TOPORS: variants seen among roughly 807,000 people sequenced by gnomAD.
The protein encoded by TOPORS is E3 ubiquitin-protein ligase Topors.
Under a neutral mutation model 81.4 loss-of-function variants are expected in TOPORS, and 25 were observed. The ratio of observed to expected loss-of-function variants is 0.31; its 90% CI spans 0.22 to 0.43. The LOEUF (loss-of-function observed/expected upper bound fraction) is 0.43. Among genes scored for constraint, TOPORS ranks in the 20% least tolerant of loss-of-function variants. The pLI, the probability that TOPORS is intolerant of heterozygous loss-of-function variation, is 1.00. For synonymous variants in TOPORS, 473 were observed against 456.6 expected (o/e 1.04, Z -0.46); for missense variants, 1,101 against 1,267.0 (o/e 0.87, Z 1.99).
chr9:32,545,915 A>G (rs1361345487), intron 2 of TOPORS, among the ~76,000 whole-genome samples: 1 of 152,198 alleles, frequency 6.6e-6, no homozygotes, highest in Non-Finnish European at 1.5e-5. Context: ...AAATAGACTC[A>G]TTGGCCTTAA....
intron 1 of TOPORS, chr9:32,552,174 CAAAAAAA>C (rs35415231): frequency 2.8e-5 from 14 of 496,524 alleles, no homozygotes; most frequent in Non-Finnish European, 3.9e-5. Flanking sequence ...CCTTAGTTGG[CAAAAAAA>C]AAAAAAAAAA....
At position 32,550,839 on chromosome 9, in the gene TOPORS, T is replaced by C. The variant is rs919908818; in HGVS notation, c.133A>G (p.Ser45Gly). ...GCGAGCTCCCGGCAGCCCAGAAAGC[T>C]AGGTCGGTGTCGGCAGGATCCGCGA... Reference protein sequence around the residue: ...RLRGSCRHRPSFLGCRELAAS... With the variant: ...RLRGSCRHRPGFLGCRELAAS... Residue 45 changes from serine (S) to glycine (G), a missense_variant, in exon 2 of 3, where the codon AGC becomes GGC. By Grantham distance (56) the Ser-to-Gly change is moderately conservative (BLOSUM62 0). Around this residue, in one of 9 missense-constraint regions of TOPORS, gnomAD observed 131 missense variants for 101.0 expected, o/e 1.30. Coordinates refer to ENST00000360538, the MANE Select transcript of TOPORS (RefSeq NM_005802.5). 7.4e-6 allele frequency: 12 copies of C among 1,612,782 alleles called. No individual in the cohort carries two copies. Among genetic ancestry groups the C allele is most frequent in the Non-Finnish European group, 1.0e-5 (12 of 1,179,764 alleles).
chr9:32,549,031 C>T (rs985720892), intron 2 of TOPORS, among the ~76,000 whole-genome samples: 6 of 151,678 alleles, frequency 4.0e-5, no homozygotes, highest in Admixed American at 2.0e-4. Flanking sequence ...CATCTATGGC[C>T]GGGCGTGGTG....
In TOPORS at chr9:32,550,763, ATC is replaced by A. The variant is rs1263514376; in HGVS notation, c.198+9_198+10del. On this transcript the variant is annotated intron_variant, in intron 2 of 2. Transcript: ENST00000360538. Reference sequence around the variant, plus strand: ...CGACCCCCGCGTCCCATTGTTCCGAATCTCACTCACCTCGGAGGATGCCGGCG... The same window carrying A: ...CGACCCCCGCGTCCCATTGTTCCGAATCACTCACCTCGGAGGATGCCGGCG... The A allele has an allele frequency of 1.9e-6, 3 of 1,612,496 alleles. No individual in the cohort carries two copies. Among genetic ancestry groups the A allele is most frequent in the Non-Finnish European group, 2.5e-6 (3 of 1,179,566 alleles).
chr9:32,543,200 G>C lies in TOPORS; in HGVS notation c.1325C>G (p.Ser442Cys), dbSNP rs772566291. 72 of 1,613,746 alleles carry C rather than the reference G, an allele frequency of 4.5e-5. No homozygotes were observed. Among genetic ancestry groups the C allele is most frequent in the Non-Finnish European group, 5.9e-5 (70 of 1,180,034 alleles). Reference sequence around the variant, plus strand: ...GACAAGTTCTTCATCTGAACTGTCAGAAGTATTTAAAAGAGAAGACATAGT... The same window carrying C: ...GACAAGTTCTTCATCTGAACTGTCACAAGTATTTAAAAGAGAAGACATAGT... ...HVTMSSLLNT[S>C]DSSDEELVTG... Residue 442 changes from serine to cysteine, a missense_variant, in exon 3 of 3, where the codon TCT becomes TGT. Around this residue, in one of 9 missense-constraint regions of TOPORS, gnomAD observed 103 missense variants for 112.1 expected, o/e 0.92. Transcript: ENST00000360538. This position sits in a 1 kb window ranked among gnomAD's most constrained non-coding sequence, Gnocchi z 5.6.
At chr9:32,552,392 G>GCAGCTCCCGC (rs751722809) in intron 1 of TOPORS, 42 bp downstream of exon 1, 11 of 1,606,488 alleles carry the variant, frequency 6.8e-6, no homozygotes, top group Admixed American at 1.7e-5. Context: ...TGTAAGGCCC[G>GCAGCTCCCGC]CAGCTCCCGC....
rs1180548820 is a variant in TOPORS at position 32,544,280 on chromosome 9, G to A, written c.245C>T (p.Pro82Leu). ...AKEFKMDNFS[P>L]KAGTSKLQQT... ...TTGCAATTTGCTAGTGCCAGCTTTAGGTGAAAAGTTGTCCATTTTAAATTC... is the reference window on the plus strand; with the variant it reads ...TTGCAATTTGCTAGTGCCAGCTTTAAGTGAAAAGTTGTCCATTTTAAATTC... Residue 82 changes from proline to leucine, a missense_variant, in exon 3 of 3, where the codon CCT becomes CTT. Transcript: ENST00000360538. 4.4e-6 allele frequency: 7 copies of A among 1,604,562 alleles called. No homozygotes were observed. The highest frequency in any genetic ancestry group is 2.2e-5 in the South Asian group (2 of 91,070).
intron 2 of TOPORS, among the ~76,000 whole-genome samples, 156 bp downstream of exon 2, chr9:32,550,618 A>G (rs552544324): frequency 2.0e-5 from 3 of 152,142 alleles, no homozygotes; most frequent in East Asian, 3.9e-4. Flanking sequence ...TGCGCGCAGG[A>G]GCCGCTCGGG....
intron 1 of TOPORS, 68 bp from the exon 2 acceptor site, chr9:32,551,036 A>G (rs529730602): frequency 1.9e-6 from 3 of 1,550,984 alleles, no homozygotes; most frequent in East Asian, 2.3e-5. Flanking sequence ...CCCACCCCCC[A>G]GCTCCCGCGC....
In TOPORS at chr9:32,542,916, A is replaced by C. The variant is rs1196416887; in HGVS notation, c.1609T>G (p.Ser537Ala). 6.2e-7 allele frequency: 1 copy of C among 1,614,146 alleles called. No individual in the cohort carries two copies. The highest frequency in any genetic ancestry group is 2.2e-5 in the East Asian group (1 of 44,882). ...SDVSRCSSPH[S>A]VLGKDEQINK... ...ATTTGTTCATCCTTTCCAAGGACAG[A>C]GTGTGGAGATGAGCATCTACTAACA... is the stretch of plus-strand genomic sequence containing the variant. Residue 537 changes from serine (S) to alanine (A), a missense_variant, in exon 3 of 3, where the codon TCT becomes GCT. By Grantham distance (99) the Ser-to-Ala change is moderately conservative (BLOSUM62 1). Around this residue, in one of 9 missense-constraint regions of TOPORS, gnomAD observed 605 missense variants for 636.1 expected, o/e 0.95. Transcript: ENST00000360538.
At chr9:32,552,120 T>G in intron 1 of TOPORS, 4 of 565,252 alleles carry the variant, frequency 7.1e-6, no homozygotes, top group Non-Finnish European at 1.3e-5. Context: ...TGCATTAATA[T>G]TGCATTGCAA....
In TOPORS at chr9:32,543,412, A is replaced by G. The variant is rs1821100719; in HGVS notation, c.1113T>C (p.His371=). ...AAGGAGCAGGGCAATCATAATTGGC[A>G]TGCTGGTCAAAGGCTGCCATGTTAA... ...SPFNMAAFDQ[H]ANYDCPAPSY... Residue 371 remains histidine, a synonymous_variant, in exon 3 of 3, where the codon CAT becomes CAC. Coordinates refer to ENST00000360538, the MANE Select transcript of TOPORS (RefSeq NM_005802.5). The surrounding 1 kb of genome is among the most constrained non-coding windows in gnomAD (Gnocchi z 5.6). 2 of 1,613,892 alleles carry G rather than the reference A, an allele frequency of 1.2e-6. No homozygotes were observed. The highest frequency in any genetic ancestry group is 2.7e-5 in the African/African-American group (2 of 75,064).
At position 32,543,535 on chromosome 9, in the gene TOPORS, G is replaced by A. The variant is rs140401696; in HGVS notation, c.990C>T (p.Asp330=). The change falls in exon 3 of 3, where the codon GAC becomes GAT. Residue 330 remains aspartate (D), a synonymous_variant. Transcript: ENST00000360538. This position sits in a 1 kb window ranked among gnomAD's most constrained non-coding sequence, Gnocchi z 5.6. ...CAGACACAAATGCCTGACTCTCCAA[G>A]TCATAGCGAGTAACATTACTCATGA... The part of the protein sequence containing the change: ...HIIMSNVTRY[D]LESQAFVSDL... 6.2e-7 allele frequency: 1 copy of A among 1,613,812 alleles called. No individual in the cohort carries two copies. Among genetic ancestry groups the A allele is most frequent in the African/African-American group, 1.3e-5 (1 of 74,916 alleles).
Position 32,541,247 on chromosome 9 carries a change from C to A in TOPORS, c.*140G>T, listed in dbSNP as rs1266309882. 5.1e-6 allele frequency: 4 copies of A among 779,972 alleles called. No individual in the cohort carries two copies. The highest frequency in any genetic ancestry group is 2.0e-5 in the South Asian group (1 of 49,326). The allele number at this position is 779,972 out of a possible 1,614,324, so 48.3% of individuals were successfully genotyped here. ...AATAATGATTTTTACAAATTAACAC[C>A]AAAAAAAAAATCATTTAAAATATTG... On this transcript the variant is annotated 3_prime_UTR_variant, in exon 3 of 3. Coordinates refer to ENST00000360538, the MANE Select transcript of TOPORS (RefSeq NM_005802.5).
chr9:32,545,474 T>C lies in TOPORS; in HGVS notation c.199-1148A>G, dbSNP rs184898330. 5.3e-5 allele frequency among the ~76,000 whole-genome samples: 8 copies of C among 151,710 alleles called. No individual in the cohort carries two copies. The East Asian group carries it at 7.7e-4, about 15-fold the overall frequency. ...CTAATCATTTTGAGTATATTGACTA[T>C]TGGGGAGTCAGGCGCGGTGGCTCAT... On this transcript the variant is annotated intron_variant, in intron 2 of 2. Transcript: ENST00000360538.
Position 32,543,960 on chromosome 9 carries a change from T to A in TOPORS, c.565A>T (p.Asn189Tyr). The A allele has an allele frequency of 1.9e-6, 3 of 1,614,138 alleles. No individual in the cohort carries two copies. The African/African-American group carries it at 4.0e-5, about 22-fold the overall frequency. The stretch of plus-strand genomic sequence containing the variant: ...CCACTAGGTGAATACACAGAAGCAT[T>A]TCGTTCCCTTGTCAGAGTTGTACGG... ...RYRTTLTRERNASVYSPSGPV... is the reference protein window; with the variant it reads ...RYRTTLTRERYASVYSPSGPV... Residue 189 changes from asparagine to tyrosine, a missense_variant, in exon 3 of 3, where the codon AAT (asparagine) becomes TAT (tyrosine). Asn to Tyr is a moderately radical substitution (Grantham distance 143, BLOSUM62 -2). Coordinates refer to ENST00000360538, the MANE Select transcript of TOPORS (RefSeq NM_005802.5). The surrounding 1 kb of genome is among the most constrained non-coding windows in gnomAD (Gnocchi z 5.6).
Position 32,541,837 on chromosome 9 carries a change from G to A in TOPORS, c.2688C>T (p.His896=), listed in dbSNP as rs1193716746. 2 of 1,613,990 alleles carry A rather than the reference G, an allele frequency of 1.2e-6. No homozygotes were observed. The highest frequency in any genetic ancestry group is 1.3e-5 in the African/African-American group (1 of 74,908). Residue 896 remains histidine, a synonymous_variant, in exon 3 of 3, where the codon CAC becomes CAT. Coordinates refer to ENST00000360538, the MANE Select transcript of TOPORS (RefSeq NM_005802.5). The part of the protein sequence containing the change: ...KKKHKKKHKK[H]HGDNASRSPV... ...GGGAACGTGAAGCATTATCTCCATG[G>A]TGTTTCTTATGCTTCTTCTTATGTT... is the stretch of plus-strand genomic sequence containing the variant.
At chr9:32,548,905 A>C (rs1821178586) in intron 2 of TOPORS, among the ~76,000 whole-genome samples, 1 of 152,198 alleles carries the variant, frequency 6.6e-6, no homozygotes, top group Non-Finnish European at 1.5e-5. Flanking sequence ...GGGGGAGATA[A>C]AGAATCAGGA....
At chr9:32,545,154 A>G (rs1048842455) in intron 2 of TOPORS, among the ~76,000 whole-genome samples, 1 of 152,226 alleles carries the variant, frequency 6.6e-6, no homozygotes, top group Non-Finnish European at 1.5e-5. Context: ...GTAGGTGCTG[A>G]GTAAATGTCA....
Sources: gnomAD v4.1 joint callset for allele counts (sites outside exome capture counted in the v4.1 genomes callset) on GRCh38, gnomAD v4.1.1 for gene constraint, gnomAD v4.1.1 regional missense constraint, Gnocchi (gnomAD v3.1) non-coding constraint, MANE v1.5 for transcripts, NCBI Gene and HGNC (gene_info 2026-07-23, HGNC 2026-07-21) for gene names.